FAT4: variants seen among roughly 807,000 people sequenced by gnomAD.
FAT4 encodes protocadherin Fat 4.
Under a neutral mutation model 303.9 loss-of-function variants are expected in FAT4, and 84 were observed. That is an observed-to-expected ratio of 0.28 (90% CI 0.23 to 0.33). FAT4 has a LOEUF of 0.33. FAT4 is among the 10% of genes least tolerant of loss of function. The probability of loss-of-function intolerance (pLI) is 1.00; values close to 1 mark genes in which losing one functional copy is unlikely to be tolerated. For synonymous variants in FAT4, 2,307 were observed against 2,298.8 expected, an observed-to-expected ratio of 1.00 and a Z score of -0.10; for missense variants, 6,005 against 6,146.8, an observed-to-expected ratio of 0.98 and a Z score of 0.77.
intron 3 of FAT4, among the ~76,000 whole-genome samples, chr4:125,404,861 C>A (rs1473190622): frequency 6.6e-6 from 1 of 152,106 alleles, no homozygotes; most frequent in African/African-American, 2.4e-5. Context: ...AATATAACAT[C>A]CTTAAGGCTC....
intron 2 of FAT4, among the ~76,000 whole-genome samples, chr4:125,350,709 G>T (rs546958046): frequency 1.3e-5 from 2 of 151,690 alleles, no homozygotes; most frequent in Admixed American, 1.3e-4. Context: ...GGTTACTGGC[G>T]GTCATCCATA....
chr4:125,491,501 C>A lies in FAT4; in HGVS notation c.14685C>A (p.Tyr4895Ter). The stretch of plus-strand genomic sequence containing the variant: ...GAGCCAGACTGAAGCCTCGAAGGTA[C>A]CACGGTCGCAGGGCCGAGGGAGGAC... ...NYGARLKPRR[Y>*]HGRRAEGGPV... The change falls in exon 18 of 18, where the codon TAC (tyrosine) becomes TAA (stop). Residue 4895 changes from tyrosine to a stop codon, truncating the protein, a stop_gained. Transcript: ENST00000394329. LOFTEE classifies it high-confidence loss of function. The A allele has an allele frequency of 6.2e-7, 1 of 1,614,114 alleles. No individual in the cohort carries two copies. The highest frequency in any genetic ancestry group is 8.5e-7 in the Non-Finnish European group (1 of 1,180,022).
At chr4:125,469,377 C>T (rs35749277) in intron 12 of FAT4, among the ~76,000 whole-genome samples, 58,279 of 151,874 alleles carry the variant, frequency 0.38, 11,198 homozygotes, top group Middle Eastern at 0.47. Context: ...CAACAGGAAA[C>T]GTTGTCACAT....
Position 125,318,035 on chromosome 4 carries a change from C to CGTGA in FAT4, c.1625_1628dup (p.Leu544Ter). ...CACTGGGTCCTCTGGGGGCCTGGACCGTGAACTTGCTTCCCAGATTGTTCT... is the reference window on the plus strand; with the variant it reads ...CACTGGGTCCTCTGGGGGCCTGGACCGTGAGTGAACTTGCTTCCCAGATTGTTCT... On this transcript the variant is annotated frameshift_variant, in exon 2 of 18. Transcript: ENST00000394329. LOFTEE classifies it high-confidence loss of function. 1 of 1,614,156 alleles carries CGTGA rather than the reference C, an allele frequency of 6.2e-7. No individual in the cohort carries two copies. The highest frequency in any genetic ancestry group is 1.1e-5 in the South Asian group (1 of 91,082).
At position 125,449,737 on chromosome 4, in the gene FAT4, G is replaced by A. The variant is rs1374299198; in HGVS notation, c.8727G>A (p.Val2909=). 16 of 1,613,612 alleles carry A rather than the reference G, an allele frequency of 9.9e-6. No homozygotes were observed. The highest frequency in any genetic ancestry group is 1.4e-5 in the Non-Finnish European group (16 of 1,179,844). Residue 2909 remains valine (V), a synonymous_variant, in exon 10 of 18, where the codon GTG becomes GTA. Coordinates refer to ENST00000394329, the MANE Select transcript of FAT4 (RefSeq NM_001291303.3). ...TDPDEGSNGQ[V]FYFIKSQSEY... ...CTGATGAGGGATCAAATGGACAAGT[G>A]TTTTATTTCATAAAATCCCAATCAG...
chr4:125,459,854 T>G (rs1369881591), intron 10 of FAT4, among the ~76,000 whole-genome samples: 1 of 152,096 alleles, frequency 6.6e-6, no homozygotes, highest in East Asian at 1.9e-4. Context: ...AACTACTGCA[T>G]TCTCTGATAC....
At chr4:125,360,709 C>T (rs1732618969) in intron 2 of FAT4, among the ~76,000 whole-genome samples, 3 of 151,940 alleles carry the variant, frequency 2.0e-5, no homozygotes, top group Non-Finnish European at 4.4e-5. Flanking sequence ...TAGTCATCCC[C>T]CTGACTATAC....
rs766719947 is a variant in FAT4, at chr4:125,448,858, T to G, written c.7848T>G (p.Ile2616Met). 36 of 1,608,542 alleles carry G rather than the reference T, an allele frequency of 2.2e-5. No individual in the cohort carries two copies. The South Asian group carries it at 3.8e-4, about 17-fold the overall frequency. Residue 2616 changes from isoleucine (I) to methionine (M), a missense_variant, in exon 10 of 18, where the codon ATT (isoleucine) becomes ATG (methionine). Ile to Met is a conservative substitution (Grantham distance 10, BLOSUM62 1). Transcript: ENST00000394329. ...ASGNLGNTFQ[I>M]DQLTGQVSIS... ...GGAATCTTGGCAATACTTTCCAGAT[T>G]GATCAGTTAACAGGGCAGGTGTCTA... is the stretch of plus-strand genomic sequence containing the variant.
At chr4:125,395,906 G>A (rs565384259) in intron 2 of FAT4, among the ~76,000 whole-genome samples, 10 of 152,086 alleles carry the variant, frequency 6.6e-5, no homozygotes, top group Middle Eastern at 3.4e-3. Context: ...CAGAGCATAC[G>A]GGATCACAGA....
chr4:125,325,979 G>A (rs1731133878), intron 2 of FAT4, among the ~76,000 whole-genome samples: 1 of 152,084 alleles, frequency 6.6e-6, no homozygotes, highest in African/African-American at 2.4e-5. Context: ...TCCTTAAACA[G>A]GTCTCTGGTT....
At chr4:125,400,270 A>G (rs1391390295) in intron 3 of FAT4, among the ~76,000 whole-genome samples, 1 of 151,990 alleles carries the variant, frequency 6.6e-6, no homozygotes, top group Non-Finnish European at 1.5e-5. Flanking sequence ...GGAATATTAT[A>G]ATTAGAGTGG....
In FAT4 at chr4:125,316,991, A is replaced by C; in HGVS notation, c.580A>C (p.Ser194Arg). 6.2e-7 allele frequency: 1 copy of C among 1,613,924 alleles called. No homozygotes were observed. Among genetic ancestry groups the C allele is most frequent in the Non-Finnish European group, 8.5e-7 (1 of 1,180,006 alleles). ...CCGTCTGGACATCACCCTGAACCCG[A>C]GCGGCGAGGGAGCGTTCCTGCATCT... ...RFRLDITLNP[S>R]GEGAFLHLVS... Residue 194 changes from serine (S) to arginine (R), a missense_variant, in exon 2 of 18, where the codon AGC becomes CGC. Physicochemically the swap from Ser to Arg is moderately radical, Grantham distance 110 (BLOSUM62 -1). Transcript: ENST00000394329. This position sits in a 1 kb window ranked among gnomAD's most constrained non-coding sequence, Gnocchi z 5.7.
chr4:125,385,746 C>T (rs1302490923), intron 2 of FAT4, among the ~76,000 whole-genome samples: 1 of 152,006 alleles, frequency 6.6e-6, no homozygotes, highest in East Asian at 1.9e-4. Context: ...CATAAGTGTA[C>T]AGATGTTTTA....
chr4:125,433,653 CAT>C (rs1395374770), intron 7 of FAT4, among the ~76,000 whole-genome samples: 1 of 152,226 alleles, frequency 6.6e-6, no homozygotes, highest in Non-Finnish European at 1.5e-5. Context: ...AAGCAGCACA[CAT>C]GATTCTGAGT....
At chr4:125,356,792 TA>T (rs1242743531) in intron 2 of FAT4, among the ~76,000 whole-genome samples, 1 of 149,160 alleles carries the variant, frequency 6.7e-6, no homozygotes, top group Non-Finnish European at 1.5e-5. Context: ...TATATTATAA[TA>T]AATATAAGAT....
At chr4:125,448,078 G>A (rs1159154251) in intron 9 of FAT4, among the ~76,000 whole-genome samples, 1 of 152,030 alleles carries the variant, frequency 6.6e-6, no homozygotes, top group East Asian at 1.9e-4. Flanking sequence ...ATTGGGTAGA[G>A]GCATAGCACT....
chr4:125,429,752 G>A (rs553596042), intron 7 of FAT4, among the ~76,000 whole-genome samples: 1 of 152,266 alleles, frequency 6.6e-6, no homozygotes, highest in South Asian at 2.1e-4. Context: ...AAGGTTTACA[G>A]ATAATGACTC....
At chr4:125,339,151 A>G (rs1638721928) in intron 2 of FAT4, among the ~76,000 whole-genome samples, 1 of 152,090 alleles carries the variant, frequency 6.6e-6, no homozygotes, top group Non-Finnish European at 1.5e-5. Context: ...TCATCTCTCT[A>G]CAACATTATC....
intron 2 of FAT4, among the ~76,000 whole-genome samples, chr4:125,352,079 T>A (rs1732246005): frequency 1.3e-5 from 2 of 151,704 alleles, no homozygotes; most frequent in African/African-American, 4.8e-5. Flanking sequence ...ATCCTTTTTT[T>A]AAAAAGGGAT....
Sources: allele counts gnomAD v4.1 joint callset (sites outside exome capture counted in the v4.1 genomes callset), GRCh38; gene constraint gnomAD v4.1.1; non-coding constraint Gnocchi (gnomAD v3.1); transcripts MANE v1.5; gene names NCBI Gene and HGNC (gene_info 2026-07-23, HGNC 2026-07-21).